Variants in FAM174B observed in about 807,000 individuals in gnomAD.
FAM174B encodes the protein membrane protein FAM174B.
In FAM174B, 12 loss-of-function variants were observed where a neutral mutation model predicts 10.9. The observed-to-expected ratio is 1.10, with a 90% CI of 0.71 to 1.79. The LOEUF is 1.79. Ranked by LOEUF, FAM174B falls within the 40% of genes most tolerant of loss-of-function variation. The pLI is 0.00. For synonymous variants in FAM174B, 132 were observed against 115.8 expected (o/e 1.14, Z -0.90); for missense variants, 266 against 233.3 (o/e 1.14, Z -0.91).
intron 1 of FAM174B, among the ~76,000 whole-genome samples, chr15:92,631,166 A>ATATTAC (rs1491461435): frequency 5.6e-5 from 1 of 17,850 alleles, no homozygotes; most frequent in Non-Finnish European, 1.7e-4. Context: ...TATATTATAT[A>ATATTAC]ATAATTTATA....
At chr15:92,651,167 T>C (rs1214135517) in intron 1 of FAM174B, among the ~76,000 whole-genome samples, 4 of 152,150 alleles carry the variant, frequency 2.6e-5, no homozygotes, top group Non-Finnish European at 5.9e-5. Context: ...ATACTAAGTG[T>C]TGGATATGAT....
intron 1 of FAM174B, among the ~76,000 whole-genome samples, chr15:92,631,406 T>TATATATA (rs1181563918): frequency 1.7e-4 from 7 of 40,020 alleles, no homozygotes; most frequent in Non-Finnish European, 2.4e-4. Context: ...TATATTATAT[T>TATATATA]ATATATAATA....
intron 2 of FAM174B, among the ~76,000 whole-genome samples, chr15:92,622,158 G>A (rs1467011529): frequency 1.3e-5 from 2 of 152,218 alleles, no homozygotes; most frequent in Non-Finnish European, 2.9e-5. Context: ...CATCCCACGG[G>A]ACTGCTCTGA....
rs373078019 is a variant in FAM174B at position 92,651,439 on chromosome 15, C to A, written c.344+3877G>T. Among the ~76,000 whole-genome samples, 54 of 152,248 alleles carry A rather than the reference C, an allele frequency of 3.5e-4. No individual in the cohort carries two copies. In the South Asian group the frequency reaches 0.011, roughly 31 times the overall value. ...GAATTCAAACTATGCAGAAACATATCGTGAATAATAAAAAAATATGATAAT... is the reference window on the plus strand; with the variant it reads ...GAATTCAAACTATGCAGAAACATATAGTGAATAATAAAAAAATATGATAAT... On this transcript the variant is annotated intron_variant, in intron 1 of 2. Transcript: ENST00000327355.
chr15:92,655,248 C>A (rs555935163), intron 1 of FAM174B, 68 bp downstream of exon 1: 4 of 1,440,554 alleles, frequency 2.8e-6, no homozygotes, highest in Non-Finnish European at 3.6e-6. Flanking sequence ...GGCGGGCGCG[C>A]GGCGACAGCA....
At chr15:92,645,127 C>G (rs2050917602) in intron 1 of FAM174B, among the ~76,000 whole-genome samples, 1 of 152,220 alleles carries the variant, frequency 6.6e-6, no homozygotes, top group Non-Finnish European at 1.5e-5. Context: ...AAATCATGAG[C>G]CCAGAGAGAT....
chr15:92,621,112 G>T (rs2141946509), intron 2 of FAM174B, among the ~76,000 whole-genome samples: 1 of 152,232 alleles, frequency 6.6e-6, no homozygotes, highest in Middle Eastern at 3.4e-3. Flanking sequence ...TTGCAGGAAA[G>T]GGCCATGGTA....
chr15:92,630,322 G>A lies in FAM174B; in HGVS notation c.368C>T (p.Thr123Ile), dbSNP rs776310212. 1.1e-5 allele frequency: 18 copies of A among 1,613,276 alleles called. No individual in the cohort carries two copies. The highest frequency in any genetic ancestry group is 6.7e-5 in the Admixed American group (4 of 59,944). The change falls in exon 2 of 3, where the codon ACA becomes ATA. Residue 123 changes from threonine to isoleucine, a missense_variant. Physicochemically the swap from Thr to Ile is moderately conservative, Grantham distance 89. Transcript: ENST00000327355. ...VFRSGKRLKKTRKYDIITTPA... is the reference protein window; with the variant it reads ...VFRSGKRLKKIRKYDIITTPA... The stretch of plus-strand genomic sequence containing the variant: ...AGTGGTGATGATATCATACTTGCGT[G>A]TCTTCTTTAACCTCTTTCCCGACCT...
At chr15:92,622,973 T>TG (rs1047311256) in intron 2 of FAM174B, among the ~76,000 whole-genome samples, 2 of 152,036 alleles carry the variant, frequency 1.3e-5, no homozygotes, top group African/African-American at 4.8e-5. Context: ...CTGGCCAATA[T>TG]GGGGAAACCT....
Position 92,626,526 on chromosome 15 carries a change from C to T in FAM174B, c.476+3688G>A, listed in dbSNP as rs533549591. On this transcript the variant is annotated intron_variant, in intron 2 of 2. Coordinates refer to ENST00000327355, the MANE Select transcript of FAM174B (RefSeq NM_207446.3). ...ATGAGATGGCGGCTTGCAGAGAAAT[C>T]TGTTTTTGACACTGTCCCCAGAATG... Among the ~76,000 whole-genome samples the T allele has an allele frequency of 5.3e-5, 8 of 152,262 alleles. No homozygotes were observed. The East Asian group carries it at 1.4e-3, about 26-fold the overall frequency.
At chr15:92,626,800 C>T (rs188865998) in intron 2 of FAM174B, among the ~76,000 whole-genome samples, 1 of 152,026 alleles carries the variant, frequency 6.6e-6, no homozygotes, top group Non-Finnish European at 1.5e-5. Context: ...CACCTGTAAT[C>T]CCAGCACTTT....
At chr15:92,624,739 C>T (rs11074083) in intron 2 of FAM174B, among the ~76,000 whole-genome samples, 89,022 of 152,108 alleles carry the variant, frequency 0.59, 26,094 homozygotes, top group African/African-American at 0.59. Context: ...GGGCCACATC[C>T]TTTCCACACA....
At chr15:92,645,183 C>T (rs2050918249) in intron 1 of FAM174B, among the ~76,000 whole-genome samples, 1 of 152,208 alleles carries the variant, frequency 6.6e-6, no homozygotes, top group Non-Finnish European at 1.5e-5. Context: ...TCTCTGTTCA[C>T]CAACAGTTCA....
intron 1 of FAM174B, among the ~76,000 whole-genome samples, chr15:92,632,118 C>T (rs370020982): frequency 4.6e-5 from 7 of 152,224 alleles, no homozygotes; most frequent in East Asian, 3.9e-4. Context: ...ATTAAATACG[C>T]TACATCATTT....
intron 2 of FAM174B, among the ~76,000 whole-genome samples, chr15:92,621,391 C>T (rs1179039125): frequency 6.6e-6 from 1 of 152,070 alleles, no homozygotes; most frequent in East Asian, 1.9e-4. Context: ...GCAGGAGAAT[C>T]GCTTGAACCC....
intron 1 of FAM174B, 73 bp from the exon 2 acceptor site, chr15:92,630,418 G>A: frequency 7.0e-7 from 1 of 1,421,906 alleles, no homozygotes; most frequent in South Asian, 1.2e-5. Flanking sequence ...AGCCCCAGAG[G>A]ACCCGACAGC....
At chr15:92,630,570 C>T (rs2141953138) in intron 1 of FAM174B, among the ~76,000 whole-genome samples, 1 of 151,938 alleles carries the variant, frequency 6.6e-6, no homozygotes, top group South Asian at 2.1e-4. Context: ...TGCTGCCCCA[C>T]TTATGGTCAT....
At chr15:92,628,541 G>T (rs1304724843) in intron 2 of FAM174B, among the ~76,000 whole-genome samples, 1 of 151,802 alleles carries the variant, frequency 6.6e-6, no homozygotes, top group Non-Finnish European at 1.5e-5. Flanking sequence ...GGTACAGAGG[G>T]CCAACTGTGC....
Position 92,655,553 on chromosome 15 carries a change from C to A in FAM174B, c.107G>T (p.Trp36Leu). Reference protein sequence around the residue: ...ASRAESVSAPWPEPERESRPP... With the variant: ...ASRAESVSAPLPEPERESRPP... The stretch of plus-strand genomic sequence containing the variant: ...CCGCGACTCGCGCTCGGGTTCGGGC[C>A]ACGGCGCGGAGACGGACTCGGCTCT... The change falls in exon 1 of 3, where the codon TGG becomes TTG. Residue 36 changes from tryptophan (W) to leucine (L), a missense_variant. Trp to Leu is a moderately conservative substitution (Grantham distance 61). Transcript: ENST00000327355. 7.1e-7 allele frequency: 1 copy of A among 1,412,230 alleles called. No individual in the cohort carries two copies. The highest frequency in any genetic ancestry group is 9.2e-7 in the Non-Finnish European group (1 of 1,084,744). 87.5% of individuals were successfully genotyped at this position (1,412,230 alleles called of 1,614,324 possible).
Sources: allele counts gnomAD v4.1 joint callset (sites outside exome capture counted in the v4.1 genomes callset), GRCh38; gene constraint gnomAD v4.1.1; transcripts MANE v1.5; gene names NCBI Gene and HGNC (gene_info 2026-07-23, HGNC 2026-07-21).